Variants in PDE4D observed in about 807,000 individuals in gnomAD.
The protein encoded by PDE4D is 3',5'-cyclic-AMP phosphodiesterase 4D.
Under a neutral mutation model 87.4 loss-of-function variants are expected in PDE4D, and 24 were observed. The ratio of observed to expected loss-of-function variants is 0.27; its 90% CI spans 0.20 to 0.39. The LOEUF is 0.39. Among genes scored for constraint, PDE4D ranks in the 10% least tolerant of loss-of-function variants. The probability of loss-of-function intolerance (pLI) is 1.00; values close to 1 mark genes in which losing one functional copy is unlikely to be tolerated. For synonymous variants in PDE4D, 384 were observed against 383.2 expected (o/e 1.00, Z -0.02); for missense variants, 714 against 1,041.0 (o/e 0.69, Z 4.32).
chr5:59,742,836 C>A (rs1759062829), intron 1 of PDE4D, among the ~76,000 whole-genome samples: 1 of 152,126 alleles, frequency 6.6e-6, no homozygotes, highest in South Asian at 2.1e-4. Flanking sequence ...TATATTTACT[C>A]TTCCCCCAAA....
intron 2 of PDE4D, among the ~76,000 whole-genome samples, chr5:59,994,235 C>CAT (rs1353069504): frequency 4.0e-5 from 6 of 151,120 alleles, no homozygotes; most frequent in East Asian, 3.9e-4. Context: ...ATATTTATTT[C>CAT]ATATATATAT....
rs1742401890 is a variant in PDE4D at position 58,970,361 on chromosome 5, G to A, written c.*4303C>T. The A allele has an allele frequency of 6.6e-6, 1 of 151,888 alleles. No homozygotes were observed. The highest frequency in any genetic ancestry group is 2.4e-5 in the African/African-American group (1 of 41,330). The allele number at this position is 151,888 out of a possible 1,614,324, so 9.4% of individuals were successfully genotyped here. A position where few individuals can be genotyped will look rare whatever the true frequency, so the allele number is the denominator to read the frequency against. ...AGGGCTGCTAAAATCTACAGTTTGT[G>A]TCAAAAAATAAAATAAAATAAAATA... is the stretch of plus-strand genomic sequence containing the variant. On this transcript the variant is annotated 3_prime_UTR_variant, in exon 15 of 15. Coordinates refer to ENST00000340635, the MANE Select transcript of PDE4D (RefSeq NM_001104631.2).
Position 60,209,063 on chromosome 5 carries a change from C to T in PDE4D, c.-89-23376G>A, listed in dbSNP as rs138172029. 6.0e-3 allele frequency among the ~76,000 whole-genome samples: 911 copies of T among 152,146 alleles called. 7 individuals carry two copies. Among genetic ancestry groups the T allele is most frequent in the Middle Eastern group, 0.01 (3 of 294 alleles). On this transcript the variant is annotated intron_variant, in intron 1 of 16. Coordinates refer to the PDE4D transcript ENST00000502484. ...CTGATTTAAAGCCAGGCTGCCTGGACTCTTATTTTCACTGAGCTGGAAGAG... is the reference window on the plus strand; with the variant it reads ...CTGATTTAAAGCCAGGCTGCCTGGATTCTTATTTTCACTGAGCTGGAAGAG...
At position 60,044,374 on chromosome 5, in the gene PDE4D, T is replaced by TA. The variant is rs397813719; in HGVS notation, c.43-55658dup. Among the ~76,000 whole-genome samples, 14 of 149,944 alleles carry TA rather than the reference T, an allele frequency of 9.3e-5. No homozygotes were observed. The South Asian group carries it at 2.4e-3, about 26-fold the overall frequency. ...TTATACTCTAGTTTTTCCTTTTTTT[T>TA]ATATTATACTTTAAGTTTTAGGGTA... On this transcript the variant is annotated intron_variant, in intron 2 of 16. Transcript: ENST00000502484.
intron 1 of PDE4D, among the ~76,000 whole-genome samples, chr5:59,720,652 A>G (rs1174923575): frequency 6.6e-6 from 1 of 152,200 alleles, no homozygotes; most frequent in Non-Finnish European, 1.5e-5. Context: ...ACCTGTAAAC[A>G]GTTACAACTC....
chr5:59,766,431 C>T (rs1561626342), intron 1 of PDE4D, among the ~76,000 whole-genome samples: 1 of 152,152 alleles, frequency 6.6e-6, no homozygotes, highest in African/African-American at 2.4e-5. Context: ...AAAGGAAGTG[C>T]CAGAAATGTC....
chr5:59,661,566 C>G lies in PDE4D; in HGVS notation c.455+231602G>C, dbSNP rs143063918. On this transcript the variant is annotated intron_variant, in intron 1 of 14. Transcript: ENST00000340635. ...AGGTTGCTAGTAATTGAGTCATACT[C>G]CTGAGCTAAATTAGGTAAATAAACT... Among the ~76,000 whole-genome samples the G allele has an allele frequency of 3.0e-3, 452 of 152,270 alleles. 2 individuals carry two copies. Among genetic ancestry groups the G allele is most frequent in the African/African-American group, 0.01 (421 of 41,526 alleles).
chr5:60,285,337 G>C (rs1752317853), intron 1 of PDE4D, among the ~76,000 whole-genome samples: 1 of 151,996 alleles, frequency 6.6e-6, no homozygotes, highest in Admixed American at 6.6e-5. Flanking sequence ...TTGGTGTGCA[G>C]ACTTTAGAGA....
chr5:59,315,798 C>A (rs1399111167), intron 1 of PDE4D, among the ~76,000 whole-genome samples: 1 of 152,142 alleles, frequency 6.6e-6, no homozygotes, highest in Non-Finnish European at 1.5e-5. Flanking sequence ...ATGTGCATAA[C>A]TACAACCACC....
intron 5 of PDE4D, among the ~76,000 whole-genome samples, chr5:59,137,355 CAA>C (rs1777224075): frequency 6.6e-6 from 1 of 151,938 alleles, no homozygotes; most frequent in Non-Finnish European, 1.5e-5. Flanking sequence ...GATATAGGAA[CAA>C]AAGTTATTTT....
At chr5:59,893,044 A>G (rs533988920) in intron 1 of PDE4D, 124 bp downstream of exon 1, 155 of 1,017,434 alleles carry the variant, frequency 1.5e-4, no homozygotes, top group African/African-American at 1.2e-3. Flanking sequence ...TCCTCCCCCA[A>G]TTTCCAGACT....
intron 1 of PDE4D, among the ~76,000 whole-genome samples, chr5:59,615,993 A>C (rs1309126591): frequency 6.6e-6 from 1 of 151,860 alleles, no homozygotes; most frequent in East Asian, 1.9e-4. Context: ...TTATACTTTA[A>C]GTTTTAGGGT....
At chr5:58,980,092 C>T (rs749747311) in intron 11 of PDE4D, among the ~76,000 whole-genome samples, 2 of 152,100 alleles carry the variant, frequency 1.3e-5, no homozygotes, top group Admixed American at 6.5e-5. Flanking sequence ...CTGTTGTTAT[C>T]GACATTTTAA....
intron 1 of PDE4D, among the ~76,000 whole-genome samples, chr5:59,443,809 T>C (rs1797977378): frequency 6.6e-6 from 1 of 152,312 alleles, no homozygotes; most frequent in African/African-American, 2.4e-5. Context: ...AACCAGTCAA[T>C]GGAGAAGTGG....
At chr5:60,115,574 T>C (rs1393331622) in intron 2 of PDE4D, among the ~76,000 whole-genome samples, 1 of 152,138 alleles carries the variant, frequency 6.6e-6, no homozygotes, top group African/African-American at 2.4e-5. Context: ...CTATAATCTA[T>C]GTATTATCTC....
intron 1 of PDE4D, among the ~76,000 whole-genome samples, chr5:59,869,289 T>C (rs1429615512): frequency 1.3e-5 from 2 of 151,834 alleles, no homozygotes; most frequent in African/African-American, 4.8e-5. Flanking sequence ...ACAGGAGAAG[T>C]AGGGGGTTAA....
intron 2 of PDE4D, among the ~76,000 whole-genome samples, chr5:60,010,744 C>G (rs1764944660): frequency 1.3e-5 from 2 of 152,088 alleles, no homozygotes; most frequent in Admixed American, 6.6e-5. Context: ...ATCTAATGTG[C>G]AATTTTGAGA....
intron 5 of PDE4D, among the ~76,000 whole-genome samples, chr5:59,104,241 C>T (rs1022463881): frequency 1.3e-5 from 2 of 152,124 alleles, no homozygotes; most frequent in Non-Finnish European, 2.9e-5. Context: ...ATGCTGGGTG[C>T]TTTAAATACA....
At chr5:60,430,201 G>A in intron 1 of PDE4D, 1 of 521,476 alleles carries the variant, frequency 1.9e-6, no homozygotes, top group South Asian at 1.4e-5. Flanking sequence ...AATGTTGATG[G>A]GATATTCTCG....
Sources: gnomAD v4.1 joint callset for allele counts (sites outside exome capture counted in the v4.1 genomes callset) on GRCh38, gnomAD v4.1.1 for gene constraint, MANE v1.5 for transcripts, NCBI Gene and HGNC (gene_info 2026-07-23, HGNC 2026-07-21) for gene names.